Variants in CALN1 observed in about 807,000 individuals in gnomAD.
The protein encoded by CALN1 is calcium-binding protein 8.
A neutral mutation model predicts 30.6 loss-of-function variants in CALN1; 17 were observed. That is an observed-to-expected ratio of 0.56 (90% CI 0.38 to 0.83). The LOEUF is 0.83. Among genes scored for constraint, CALN1 ranks in the 40% least tolerant of loss-of-function variants. The pLI, the probability that CALN1 is intolerant of heterozygous loss-of-function variation, is 0.00. For missense variants in CALN1, 291 were observed against 354.9 expected (o/e 0.82, Z 1.45); for synonymous variants, 156 against 131.4 (o/e 1.19, Z -1.28).
intron 3 of CALN1, among the ~76,000 whole-genome samples, chr7:72,181,494 T>G (rs543655098): frequency 3.0e-4 from 1 of 3,324 alleles, no homozygotes; most frequent in African/African-American, 3.6e-4. Flanking sequence ...AACTTTTTTT[T>G]TTTTTTGAGA....
intron 5 of CALN1, among the ~76,000 whole-genome samples, chr7:71,846,775 A>AAT (rs1159578713): frequency 6.8e-6 from 1 of 148,132 alleles, no homozygotes; most frequent in African/African-American, 2.5e-5. Context: ...CACGTATATA[A>AAT]ATATATATAC....
chr7:72,122,593 GC>G (rs1215112201), intron 3 of CALN1, among the ~76,000 whole-genome samples: 2 of 152,082 alleles, frequency 1.3e-5, no homozygotes, highest in Non-Finnish European at 2.9e-5. Context: ...GGGCATGGTG[GC>G]ACATGCCCGA....
At chr7:71,964,433 C>T (rs567328109) in intron 5 of CALN1, among the ~76,000 whole-genome samples, 13 of 152,288 alleles carry the variant, frequency 8.5e-5, no homozygotes, top group African/African-American at 3.1e-4. Context: ...CTCTGCTTAT[C>T]GCAAGGACAG....
chr7:72,336,807 G>T (rs963036388), intron 2 of CALN1: 3 of 984,996 alleles, frequency 3.0e-6, no homozygotes, highest in East Asian at 2.3e-4. Context: ...CGGAATGGAT[G>T]CGCCGAGCGG....
At chr7:72,310,899 C>A (rs2129556357) in intron 2 of CALN1, among the ~76,000 whole-genome samples, 1 of 98,554 alleles carries the variant, frequency 1.0e-5, no homozygotes, top group South Asian at 4.4e-4. Flanking sequence ...CAGAGCAAGA[C>A]TCCGTCTTAA....
intron 3 of CALN1, among the ~76,000 whole-genome samples, chr7:72,113,501 C>T (rs991149404): frequency 4.6e-5 from 7 of 152,198 alleles, no homozygotes; most frequent in African/African-American, 9.6e-5. Flanking sequence ...TATAGCAACA[C>T]AAAACAGACT....
chr7:72,308,371 G>GGGT (rs1799801268), intron 2 of CALN1, among the ~76,000 whole-genome samples: 1 of 94,116 alleles, frequency 1.1e-5, no homozygotes. Flanking sequence ...CTGTGGGGGG[G>GGGT]GGAGAGAGAG....
At chr7:72,372,843 A>G (rs1804325866) in intron 2 of CALN1, among the ~76,000 whole-genome samples, 1 of 152,220 alleles carries the variant, frequency 6.6e-6, no homozygotes, top group Non-Finnish European at 1.5e-5. Context: ...TGTCAAGGAT[A>G]CAACTCTAAA....
At chr7:71,962,344 A>G (rs1393949594) in intron 5 of CALN1, among the ~76,000 whole-genome samples, 1 of 152,160 alleles carries the variant, frequency 6.6e-6, no homozygotes, top group African/African-American at 2.4e-5. Flanking sequence ...TTGAGGCTGC[A>G]GTGAGCTATG....
intron 5 of CALN1, among the ~76,000 whole-genome samples, chr7:71,957,067 G>T (rs1796997976): frequency 6.6e-6 from 1 of 151,986 alleles, no homozygotes; most frequent in Non-Finnish European, 1.5e-5. Flanking sequence ...TTGGTGGGGA[G>T]GTGGTGAAAG....
chr7:72,223,392 C>T (rs369254169), intron 3 of CALN1, among the ~76,000 whole-genome samples: 13 of 152,208 alleles, frequency 8.5e-5, no homozygotes, highest in African/African-American at 2.9e-4. Context: ...ATGAGGAAAT[C>T]GTGCTCCTTC....
At chr7:72,205,551 A>ATATATATACATAT (rs1554319582) in intron 3 of CALN1, among the ~76,000 whole-genome samples, 10 of 83,044 alleles carry the variant, frequency 1.2e-4, no homozygotes, top group East Asian at 8.7e-4. Context: ...GCAAAAAAAA[A>ATATATATACATAT]ATATATATAT....
At chr7:72,471,320 G>T in the CALN1 span, among the ~76,000 whole-genome samples, 1 of 152,146 alleles carries the variant, frequency 6.6e-6, no homozygotes, top group African/African-American at 2.4e-5. Flanking sequence ...GTATTTCATT[G>T]GGATCTCCTT....
chr7:72,038,250 G>A (rs895499348), intron 4 of CALN1, among the ~76,000 whole-genome samples: 1 of 152,156 alleles, frequency 6.6e-6, no homozygotes, highest in African/African-American at 2.4e-5. Context: ...GTGGGGAATG[G>A]GGAGCTGCCT....
At chr7:71,911,464 G>C (rs1290492704) in intron 5 of CALN1, among the ~76,000 whole-genome samples, 1 of 152,052 alleles carries the variant, frequency 6.6e-6, no homozygotes, top group African/African-American at 2.4e-5. Flanking sequence ...ACCAGTTGGG[G>C]TCCTTTATTT....
At chr7:72,411,881 G>T (rs1271326418) in intron 1 of CALN1, among the ~76,000 whole-genome samples, 177 bp downstream of exon 1, 1 of 152,150 alleles carries the variant, frequency 6.6e-6, no homozygotes, top group African/African-American at 2.4e-5. Context: ...AGTTGATGAA[G>T]CAACTCTCTT....
chr7:72,098,262 T>C (rs1806381752), intron 4 of CALN1, among the ~76,000 whole-genome samples: 1 of 152,160 alleles, frequency 6.6e-6, no homozygotes, highest in African/African-American at 2.4e-5. Context: ...TCACTTTAGC[T>C]GCAGAGGCTG....
chr7:72,071,906 G>C (rs779863561), intron 4 of CALN1, among the ~76,000 whole-genome samples: 7 of 152,128 alleles, frequency 4.6e-5, no homozygotes. Context: ...AAAGAAGATG[G>C]GTGATTTGAG....
intron 2 of CALN1, among the ~76,000 whole-genome samples, chr7:72,374,286 T>G (rs565137344): frequency 6.6e-6 from 1 of 152,198 alleles, no homozygotes; most frequent in East Asian, 1.9e-4. Flanking sequence ...CCCAGCACTT[T>G]GGGAGGCCGA....
Sources: gnomAD v4.1 joint callset for allele counts (sites outside exome capture counted in the v4.1 genomes callset) on GRCh38, gnomAD v4.1.1 for gene constraint, MANE v1.5 for transcripts, NCBI Gene and HGNC (gene_info 2026-07-23, HGNC 2026-07-21) for gene names.